DMD: variants seen among roughly 807,000 people sequenced by gnomAD.
The protein encoded by DMD is mutant dystrophin.
A neutral mutation model predicts 330.1 loss-of-function variants in DMD; 63 were observed. The ratio of observed to expected loss-of-function variants is 0.19; its 90% CI spans 0.16 to 0.24. The LOEUF (loss-of-function observed/expected upper bound fraction) is 0.24, where lower values mean the gene tolerates loss of function less well. DMD is among the 10% of genes least tolerant of loss of function. The pLI is 1.00. For missense variants in DMD, 3,344 were observed against 2,684.1 expected, an observed-to-expected ratio of 1.25 and a Z score of -5.43; for synonymous variants, 1,223 against 959.8, an observed-to-expected ratio of 1.27 and a Z score of -5.07.
At chrX:32,375,413 C>T (rs16998280) in intron 34 of DMD, among the ~76,000 whole-genome samples, 2,213 of 112,034 alleles carry the variant, frequency 0.02, 51 homozygotes, top group African/African-American at 0.066. Context: ...ATAATACTCA[C>T]GAAGTGGGTG....
At chrX:31,324,257 T>C in intron 61 of DMD, among the ~76,000 whole-genome samples, 1 of 111,494 alleles carries the variant, frequency 9.0e-6, no homozygotes, top group Non-Finnish European at 1.9e-5. Flanking sequence ...AGTGAGGGAA[T>C]GTCTACTGAT....
chrX:33,244,033 C>A (rs2052628699), intron 1 of DMD, among the ~76,000 whole-genome samples: 1 of 112,044 alleles, frequency 8.9e-6, no homozygotes, highest in African/African-American at 3.2e-5. Flanking sequence ...AATAGGGGTT[C>A]TATAACATTA....
Position 31,323,583 on chromosome X carries a change from A to T in DMD, c.9224+15T>A, listed in dbSNP as rs377505638. On this transcript the variant is annotated intron_variant, in intron 62 of 78. Coordinates refer to ENST00000357033, the MANE Select transcript of DMD (RefSeq NM_004006.3). The stretch of plus-strand genomic sequence containing the variant: ...CAATAAATGCTCTTTTAAAAATGTG[A>T]TACTTCCAACTTACTTGATATAGTA... The T allele has an allele frequency of 2.5e-6, 3 of 1,192,484 alleles. No homozygotes were observed. The highest frequency in any genetic ancestry group is 3.4e-6 in the Non-Finnish European group (3 of 879,839).
chrX:31,852,461 C>T (rs2093545124), intron 48 of DMD, among the ~76,000 whole-genome samples: 1 of 111,829 alleles, frequency 8.9e-6, no homozygotes, highest in African/African-American at 3.3e-5. Context: ...TGCTGCCTTC[C>T]TAAGTCCTTA....
chrX:32,288,142 C>T (rs933275553), intron 42 of DMD, among the ~76,000 whole-genome samples: 8 of 111,302 alleles, frequency 7.2e-5, no homozygotes, highest in African/African-American at 2.6e-4. Flanking sequence ...ACATCTCCTC[C>T]GAACTCCAGT....
chrX:32,878,774 C>T (rs1406121944), intron 2 of DMD, among the ~76,000 whole-genome samples: 2 of 109,660 alleles, frequency 1.8e-5, no homozygotes, highest in Non-Finnish European at 3.8e-5. Context: ...CTTTGGGAGG[C>T]TGAGGCAGGT....
intron 43 of DMD, among the ~76,000 whole-genome samples, chrX:32,250,671 G>A (rs1219210893): frequency 1.8e-5 from 2 of 111,797 alleles, no homozygotes; most frequent in African/African-American, 6.5e-5. Flanking sequence ...CATATGGTCA[G>A]CCACTTCCAA....
chrX:31,891,261 G>T (rs1350394601), intron 47 of DMD, among the ~76,000 whole-genome samples: 1 of 111,060 alleles, frequency 9.0e-6, no homozygotes, highest in Non-Finnish European at 1.9e-5. Context: ...AAGATGGGTT[G>T]GTCTCTTCCT....
intron 1 of DMD, among the ~76,000 whole-genome samples, chrX:33,207,204 T>C (rs149013217): frequency 9.8e-4 from 109 of 111,538 alleles, no homozygotes; most frequent in African/African-American, 3.2e-3. Flanking sequence ...TTTTTGGTCT[T>C]TTTGTTGGGC....
Position 31,173,569 on chromosome X carries a change from G to C in DMD, c.10298C>G (p.Thr3433Ser). Reference sequence around the variant, plus strand: ...AGCATAATGTTCAATGCGTGAATGAGTATCATCGTGTGAAAGCTGAGGGGA... The same window carrying C: ...AGCATAATGTTCAATGCGTGAATGACTATCATCGTGTGAAAGCTGAGGGGA... ...ASSPQLSHDD[T>S]HSRIEHYASR... is the part of the protein sequence containing the mutation. The change falls in exon 72 of 79, where the codon ACT (threonine) becomes AGT (serine). Residue 3433 changes from threonine to serine, a missense_variant. Physicochemically the swap from Thr to Ser is moderately conservative, Grantham distance 58. Transcript: ENST00000357033. The C allele has an allele frequency of 8.3e-7, 1 of 1,210,273 alleles. No individual in the cohort carries two copies. The highest frequency in any genetic ancestry group is 1.1e-6 in the Non-Finnish European group (1 of 894,335).
chrX:31,552,297 T>C (rs920145588), intron 55 of DMD, among the ~76,000 whole-genome samples: 1 of 111,747 alleles, frequency 8.9e-6, no homozygotes, highest in Admixed American at 9.5e-5. Context: ...CTCAGCCTCC[T>C]GAGTAGTTGG....
At chrX:32,637,472 T>C in intron 11 of DMD, among the ~76,000 whole-genome samples, 2 of 112,123 alleles carry the variant, frequency 1.8e-5, no homozygotes, top group Middle Eastern at 4.6e-3. Flanking sequence ...CCCTGGCTGT[T>C]ACCCAGTTCC....
intron 16 of DMD, among the ~76,000 whole-genome samples, chrX:32,563,487 C>T (rs2051313784): frequency 9.0e-6 from 1 of 110,973 alleles, no homozygotes; most frequent in Non-Finnish European, 1.9e-5. Flanking sequence ...TCATTGTATC[C>T]CTATGAGCAA....
chrX:32,051,458 A>C (rs745733980), intron 44 of DMD, among the ~76,000 whole-genome samples: 162 of 110,651 alleles, frequency 1.5e-3, no homozygotes, highest in Non-Finnish European at 2.6e-3. Flanking sequence ...ATTTTAAAGA[A>C]ATGTTTAAAT....
rs1279020832 is a variant in DMD, at chrX:31,340,893, A to G, written c.9163+7663T>C. ...TATAACTGTCAACAAGACTAATACTATCCTGACATTTTAGAGATTAAGGTC... is the reference window on the plus strand; with the variant it reads ...TATAACTGTCAACAAGACTAATACTGTCCTGACATTTTAGAGATTAAGGTC... On this transcript the variant is annotated intron_variant, in intron 61 of 78. Coordinates refer to ENST00000357033, the MANE Select transcript of DMD (RefSeq NM_004006.3). Among the ~76,000 whole-genome samples, 3 of 112,132 alleles carry G rather than the reference A, an allele frequency of 2.7e-5. No homozygotes were observed. In the East Asian group the frequency reaches 8.3e-4, roughly 31 times the overall value.
chrX:32,019,694 A>C (rs1356413918), intron 44 of DMD, among the ~76,000 whole-genome samples: 1 of 112,314 alleles, frequency 8.9e-6, no homozygotes. Context: ...CATCTCAATG[A>C]AATTACATGC....
intron 2 of DMD, among the ~76,000 whole-genome samples, chrX:32,872,797 T>C (rs942020268): frequency 2.7e-5 from 3 of 111,739 alleles, no homozygotes; most frequent in African/African-American, 9.8e-5. Flanking sequence ...CTAAATGTAA[T>C]AGAGATGCTT....
intron 44 of DMD, among the ~76,000 whole-genome samples, chrX:32,143,832 G>A (rs1179780076): frequency 9.1e-6 from 1 of 109,935 alleles, no homozygotes; most frequent in Non-Finnish European, 1.9e-5. Flanking sequence ...TTACAGGCGT[G>A]AGCCACCGTG....
At chrX:32,622,303 T>C (rs772816712) in intron 11 of DMD, among the ~76,000 whole-genome samples, 30 of 111,532 alleles carry the variant, frequency 2.7e-4, no homozygotes, top group Non-Finnish European at 4.5e-4. Context: ...GGAGGTGTGA[T>C]ACTAATAAGC....
Sources: gnomAD v4.1 joint callset for allele counts (sites outside exome capture counted in the v4.1 genomes callset) on GRCh38, gnomAD v4.1.1 for gene constraint, MANE v1.5 for transcripts, NCBI Gene and HGNC (gene_info 2026-07-23, HGNC 2026-07-21) for gene names.